Variants in PCDH15 observed in about 807,000 individuals in gnomAD.
The protein encoded by PCDH15 is protocadherin-15.
In PCDH15, 129 loss-of-function variants were observed where a neutral mutation model predicts 178.5. The observed-to-expected ratio is 0.72, with a 90% CI of 0.63 to 0.84. The LOEUF is 0.84. Among genes scored for constraint, PCDH15 ranks in the 40% least tolerant of loss-of-function variants. PCDH15 has a pLI of 0.00. For missense variants in PCDH15, 2,230 were observed against 2,099.9 expected, an observed-to-expected ratio of 1.06 and a Z score of -1.21; for synonymous variants, 800 against 732.0, an observed-to-expected ratio of 1.09 and a Z score of -1.50.
chr10:54,243,552 T>C (rs2055626727), intron 8 of PCDH15, among the ~76,000 whole-genome samples: 1 of 152,198 alleles, frequency 6.6e-6, no homozygotes, highest in Non-Finnish European at 1.5e-5. Flanking sequence ...TCATATTACA[T>C]TGCAAATGTA....
At chr10:54,639,471 A>G (rs900085826) in intron 2 of PCDH15, among the ~76,000 whole-genome samples, 7 of 152,134 alleles carry the variant, frequency 4.6e-5, no homozygotes, top group Non-Finnish European at 8.8e-5. Context: ...TAAGTTTTTG[A>G]GAGAAAACTA....
intron 37 of PCDH15, among the ~76,000 whole-genome samples, chr10:53,807,793 T>TAATA (rs1177898624): frequency 3.3e-5 from 5 of 152,146 alleles, no homozygotes; most frequent in Non-Finnish European, 7.4e-5. Context: ...ATTTACCTAG[T>TAATA]AATACACAAA....
intron 2 of PCDH15, chr10:54,599,597 A>G (rs1034331429): frequency 3.2e-6 from 1 of 311,366 alleles, no homozygotes; most frequent in Non-Finnish European, 6.0e-6. Flanking sequence ...ATAAGATCTG[A>G]CAAAGATTTC....
chr10:55,064,718 G>A (rs376654492), intron 2 of PCDH15, among the ~76,000 whole-genome samples: 64 of 151,980 alleles, frequency 4.2e-4, no homozygotes, highest in African/African-American at 1.2e-3. Context: ...ATGTAGTTAC[G>A]AGTTTTCATT....
chr10:55,031,246 A>G (rs1462424303), intron 2 of PCDH15, among the ~76,000 whole-genome samples: 1 of 152,220 alleles, frequency 6.6e-6, no homozygotes, highest in African/African-American at 2.4e-5. Flanking sequence ...TTGTTAGGAA[A>G]CAGTGTTTAA....
intron 2 of PCDH15, among the ~76,000 whole-genome samples, chr10:54,529,519 G>A (rs2083698472): frequency 6.6e-6 from 1 of 151,964 alleles, no homozygotes; most frequent in South Asian, 2.1e-4. Context: ...AAAAAAATCA[G>A]AAGAACAAAG....
At chr10:55,083,478 G>T (rs1842093167) in intron 2 of PCDH15, among the ~76,000 whole-genome samples, 1 of 151,936 alleles carries the variant, frequency 6.6e-6, no homozygotes, top group Admixed American at 6.6e-5. Flanking sequence ...AAATGAAAAT[G>T]AAAGCCTTTC....
intron 2 of PCDH15, among the ~76,000 whole-genome samples, chr10:55,039,844 C>T (rs1222478725): frequency 2.0e-5 from 3 of 152,010 alleles, no homozygotes; most frequent in Non-Finnish European, 4.4e-5. Context: ...TGACTTTGAA[C>T]TAAATGACCA....
intron 2 of PCDH15, among the ~76,000 whole-genome samples, chr10:55,581,526 T>G (rs1325636080): frequency 1.3e-5 from 2 of 151,972 alleles, no homozygotes; most frequent in Admixed American, 1.3e-4. Flanking sequence ...TATCTTAGCA[T>G]GTTGCTTTTC....
At chr10:53,891,814 A>C (rs1045013271) in intron 26 of PCDH15, among the ~76,000 whole-genome samples, 5 of 150,004 alleles carry the variant, frequency 3.3e-5, no homozygotes, top group Admixed American at 6.6e-5. Flanking sequence ...AAAAAAAAAT[A>C]CAAAAAAGTT....
chr10:54,054,299 G>A (rs1288043972), intron 18 of PCDH15, among the ~76,000 whole-genome samples: 1 of 152,050 alleles, frequency 6.6e-6, no homozygotes, highest in African/African-American at 2.4e-5. Context: ...GGGCAACTTA[G>A]ATGATACTTT....
At chr10:54,122,036 GAC>G (rs2041572079) in intron 15 of PCDH15, among the ~76,000 whole-genome samples, 1 of 125,428 alleles carries the variant, frequency 8.0e-6, no homozygotes. Flanking sequence ...CACACACAGA[GAC>G]AGACACACAC....
intron 2 of PCDH15, among the ~76,000 whole-genome samples, chr10:55,530,343 A>G (rs1411930215): frequency 6.6e-6 from 1 of 151,822 alleles, no homozygotes; most frequent in Non-Finnish European, 1.5e-5. Context: ...CTCTCTCCCC[A>G]AAAAGCTTCA....
At chr10:54,171,998 G>A (rs915156722) in intron 13 of PCDH15, among the ~76,000 whole-genome samples, 53 of 150,558 alleles carry the variant, frequency 3.5e-4, no homozygotes, top group Middle Eastern at 3.4e-3. Flanking sequence ...AATTTTCGCC[G>A]CCCCAACACT....
chr10:53,856,929 A>G (rs1002644223), intron 28 of PCDH15, among the ~76,000 whole-genome samples: 4 of 152,080 alleles, frequency 2.6e-5, no homozygotes, highest in Middle Eastern at 3.2e-3. Context: ...AAAGAAAATA[A>G]TAGACACTGA....
At chr10:55,346,719 A>C (rs895861238) in intron 2 of PCDH15, among the ~76,000 whole-genome samples, 18 of 149,850 alleles carry the variant, frequency 1.2e-4, no homozygotes, top group African/African-American at 4.4e-4. Flanking sequence ...CTCTACAATG[A>C]GAGGTTAATA....
chr10:54,147,875 C>T (rs73243523), intron 14 of PCDH15, among the ~76,000 whole-genome samples: 2,347 of 151,976 alleles, frequency 0.015, 75 homozygotes, highest in African/African-American at 0.054. Flanking sequence ...AATCTAACAA[C>T]TCTGAGTTCA....
intron 2 of PCDH15, among the ~76,000 whole-genome samples, chr10:54,936,321 T>C (rs1288462084): frequency 1.3e-5 from 2 of 152,108 alleles, no homozygotes; most frequent in Non-Finnish European, 2.9e-5. Flanking sequence ...TTGACTATTA[T>C]GAATGACAAT....
intron 13 of PCDH15, among the ~76,000 whole-genome samples, chr10:54,164,225 G>C (rs748824020): frequency 6.6e-6 from 1 of 152,152 alleles, no homozygotes; most frequent in Non-Finnish European, 1.5e-5. Flanking sequence ...TGTAGGAAAA[G>C]TCTATTTTTT....
Sources: gnomAD v4.1 joint callset for allele counts (sites outside exome capture counted in the v4.1 genomes callset) on GRCh38, gnomAD v4.1.1 for gene constraint, MANE v1.5 for transcripts, NCBI Gene and HGNC (gene_info 2026-07-23, HGNC 2026-07-21) for gene names.